BAZ2B: variants seen among roughly 807,000 people sequenced by gnomAD.
BAZ2B encodes bromodomain adjacent to zinc finger domain 2B, also known as bromodomain adjacent to zinc finger domain protein 2B.
BAZ2B carries 91 observed loss-of-function variants against 246.0 expected under a neutral mutation model. That is an observed-to-expected ratio of 0.37 (90% CI 0.31 to 0.44). BAZ2B has a LOEUF of 0.44. Among genes scored for constraint, BAZ2B ranks in the 20% least tolerant of loss-of-function variants. The pLI is 1.00. For missense variants in BAZ2B, 2,332 were observed against 2,533.7 expected (o/e 0.92, Z 1.71); for synonymous variants, 855 against 860.0 (o/e 0.99, Z 0.10).
chr2:159,639,491 CAGTT>C, the BAZ2B span, among the ~76,000 whole-genome samples: 87 of 152,148 alleles, frequency 5.7e-4, no homozygotes, highest in Middle Eastern at 3.4e-3. Flanking sequence ...TAGACATAGA[CAGTT>C]AGAGTGAAAC....
At chr2:159,387,215 A>C (rs3771709) in intron 21 of BAZ2B, among the ~76,000 whole-genome samples, 1 of 151,936 alleles carries the variant, frequency 6.6e-6, no homozygotes, top group Non-Finnish European at 1.5e-5. Context: ...AATGCAACTA[A>C]AGGTCTTTAG....
At chr2:159,631,286 T>C in the BAZ2B span, among the ~76,000 whole-genome samples, 1 of 152,244 alleles carries the variant, frequency 6.6e-6, no homozygotes, top group Non-Finnish European at 1.5e-5. Context: ...AACTCTGTGA[T>C]ACTGAATTTA....
intron 3 of BAZ2B, chr2:159,462,132 T>C (rs939004075): frequency 3.1e-6 from 1 of 318,376 alleles, no homozygotes; most frequent in African/African-American, 2.2e-5. Context: ...AGGATAGATC[T>C]CTCTCTCCAA....
chr2:159,323,802 A>T (rs1260164133), intron 36 of BAZ2B, among the ~76,000 whole-genome samples: 5 of 49,678 alleles, frequency 1.0e-4, no homozygotes, highest in South Asian at 4.2e-4. Flanking sequence ...AAACTCTCTC[A>T]AAAAAAAAAA....
chr2:159,641,816 T>G, the BAZ2B span, among the ~76,000 whole-genome samples: 1 of 152,296 alleles, frequency 6.6e-6, no homozygotes, highest in African/African-American at 2.4e-5. Flanking sequence ...ATTTTGAAAT[T>G]ATAAACATAC....
At chr2:159,681,406 C>A in the BAZ2B span, among the ~76,000 whole-genome samples, 1 of 147,436 alleles carries the variant, frequency 6.8e-6, no homozygotes. Flanking sequence ...TGACACAATA[C>A]ATAGATATGA....
the BAZ2B span, among the ~76,000 whole-genome samples, chr2:159,649,819 A>G: frequency 6.6e-6 from 1 of 152,136 alleles, no homozygotes; most frequent in East Asian, 1.9e-4. Context: ...CATTACAAAT[A>G]TATTATGCTA....
intron 30 of BAZ2B, 58 bp from the exon 31 acceptor site, chr2:159,347,704 A>G (rs762219877): frequency 7.2e-7 from 1 of 1,391,560 alleles, no homozygotes; most frequent in Non-Finnish European, 9.8e-7. Context: ...CCCCACAGAG[A>G]CCTCTTCCAG....
chr2:159,553,234 A>C lies in BAZ2B; in HGVS notation c.-3+2589T>G, dbSNP rs563715485. On this transcript the variant is annotated intron_variant, in intron 2 of 36. Coordinates refer to ENST00000392783, the MANE Select transcript of BAZ2B (RefSeq NM_013450.4). ...ACATGATAAAACCCTGTCTCTACTA[A>C]AAATACAAAAATTAGCTGGGCCTGG... Among the ~76,000 whole-genome samples, 3 of 152,048 alleles carry C rather than the reference A, an allele frequency of 2.0e-5. No homozygotes were observed. The East Asian group carries it at 5.8e-4, about 29-fold the overall frequency.
chr2:159,379,451 T>C (rs1482600457), intron 25 of BAZ2B, among the ~76,000 whole-genome samples: 1 of 152,144 alleles, frequency 6.6e-6, no homozygotes, highest in African/African-American at 2.4e-5. Context: ...CAGTGTATAC[T>C]GTACACTTAA....
intron 13 of BAZ2B, 112 bp from the exon 14 acceptor site, chr2:159,412,657 TTAGTATA>T: frequency 1.0e-6 from 1 of 965,412 alleles, no homozygotes; most frequent in Non-Finnish European, 1.5e-6. Flanking sequence ...ATTTACAACA[TTAGTATA>T]AGCTTTAGGA....
At chr2:159,593,301 T>C (rs746039194) in intron 1 of BAZ2B, among the ~76,000 whole-genome samples, 2 of 152,222 alleles carry the variant, frequency 1.3e-5, no homozygotes, top group African/African-American at 2.4e-5. Context: ...TGGAATGTAC[T>C]TCTATGTATT....
the BAZ2B span, among the ~76,000 whole-genome samples, chr2:159,652,929 T>C: frequency 2.3e-5 from 1 of 43,946 alleles, no homozygotes; most frequent in East Asian, 4.0e-4. Flanking sequence ...AAATGTCCTT[T>C]TTTATTTTTA....
chr2:159,693,322 T>G, the BAZ2B span: 1 of 152,206 alleles, frequency 6.6e-6, no homozygotes, highest in Non-Finnish European at 1.5e-5. Context: ...TGGTGCTTTT[T>G]TATGAGGTGG....
At chr2:159,689,960 T>C in the BAZ2B span, 1 of 356,364 alleles carries the variant, frequency 2.8e-6, no homozygotes, top group Non-Finnish European at 5.2e-6. Context: ...AACAGGAGCT[T>C]CGATCATTGT....
At chr2:159,478,809 A>G (rs1577562561) in intron 2 of BAZ2B, 88 bp from the exon 3 acceptor site, 1 of 954,932 alleles carries the variant, frequency 1.0e-6, no homozygotes, top group Non-Finnish European at 1.4e-6. Flanking sequence ...TACTTTTAAA[A>G]ATATAAAATA....
the BAZ2B span, among the ~76,000 whole-genome samples, chr2:159,686,045 G>A: frequency 6.6e-6 from 1 of 152,056 alleles, no homozygotes; most frequent in Non-Finnish European, 1.5e-5. Context: ...GAGGATCGCT[G>A]AAGGCCAGGA....
chr2:159,601,454 G>C (rs1440602367), intron 1 of BAZ2B, among the ~76,000 whole-genome samples: 1 of 150,440 alleles, frequency 6.6e-6, no homozygotes, highest in African/African-American at 2.4e-5. Context: ...TGGGTGCGGT[G>C]GCTCACGCCT....
chr2:159,626,450 G>T, the BAZ2B span, among the ~76,000 whole-genome samples: 2 of 152,172 alleles, frequency 1.3e-5, no homozygotes, highest in African/African-American at 4.8e-5. Context: ...AAATGCAAAA[G>T]AATGGAAATC....
Sources: gnomAD v4.1 joint callset for allele counts (sites outside exome capture counted in the v4.1 genomes callset) on GRCh38, gnomAD v4.1.1 for gene constraint, MANE v1.5 for transcripts, NCBI Gene and HGNC (gene_info 2026-07-23, HGNC 2026-07-21) for gene names.